The following NKX6-1 variants were observed in gnomAD, a reference collection of about 807,000 sequenced individuals.
NKX6-1 encodes homeobox protein Nkx-6.1.
A neutral mutation model predicts 24.9 loss-of-function variants in NKX6-1; 11 were observed. The ratio of observed to expected loss-of-function variants is 0.44; its 90% CI spans 0.28 to 0.73. The LOEUF (loss-of-function observed/expected upper bound fraction) is 0.73, where lower values mean the gene tolerates loss of function less well. NKX6-1 is among the 30% of genes least tolerant of loss of function. The probability of loss-of-function intolerance (pLI) is 0.15; values close to 1 mark genes in which losing one functional copy is unlikely to be tolerated. For missense variants in NKX6-1, 487 were observed against 502.9 expected (o/e 0.97, Z 0.30); for synonymous variants, 277 against 242.9 (o/e 1.14, Z -1.31).
At position 84,497,971 on chromosome 4, in the gene NKX6-1, G is replaced by T; in HGVS notation, c.258C>A (p.Pro86=). ...ATGGLSSLGS[P]PQQLSAATPH... ...GGGTGGCGGCCGAGAGCTGCTGCGG[G>T]GGGCTGCCGAGGGATGAGAGCCCCC... The change falls in exon 1 of 3, where the codon CCC becomes CCA. Residue 86 remains proline (P), a synonymous_variant. Coordinates refer to ENST00000295886, the MANE Select transcript of NKX6-1 (RefSeq NM_006168.3). The surrounding 1 kb of genome is among the most constrained non-coding windows in gnomAD (Gnocchi z 4.8). 1.5e-6 allele frequency: 2 copies of T among 1,298,158 alleles called. No individual in the cohort carries two copies. Among genetic ancestry groups the T allele is most frequent in the Non-Finnish European group, 2.0e-6 (2 of 1,019,966 alleles). 80.4% of individuals were successfully genotyped at this position (1,298,158 alleles called of 1,614,324 possible). A position where few individuals can be genotyped will look rare whatever the true frequency, so the allele number is the denominator to read the frequency against.
In NKX6-1 at chr4:84,497,282, G is replaced by T. The variant is rs750986330; in HGVS notation, c.670+277C>A. On this transcript the variant is annotated intron_variant, in intron 1 of 2. Transcript: ENST00000295886. The surrounding 1 kb of genome is among the most constrained non-coding windows in gnomAD (Gnocchi z 4.8). ...GGACGAGACACACGTCCCTCACCGC[G>T]TTGTGGTCCACACGAACACACACAC... Among the ~76,000 whole-genome samples the T allele has an allele frequency of 6.6e-6, 1 of 152,100 alleles. No homozygotes were observed. Among genetic ancestry groups the T allele is most frequent in the South Asian group, 2.1e-4 (1 of 4,830 alleles).
At position 84,493,080 on chromosome 4, in the gene NKX6-1, G is replaced by C. The variant is rs1041625743; in HGVS notation, c.*209C>G. The stretch of plus-strand genomic sequence containing the variant: ...TGGTCTTTCTTGCCTTATCAACCCC[G>C]GAGTCTCTCTCCCCTACATCCCCTC... On this transcript the variant is annotated 3_prime_UTR_variant, in exon 3 of 3. Coordinates refer to ENST00000295886, the MANE Select transcript of NKX6-1 (RefSeq NM_006168.3). The surrounding 1 kb of genome is among the most constrained non-coding windows in gnomAD (Gnocchi z 5.1). 6 of 400,848 alleles carry C rather than the reference G, an allele frequency of 1.5e-5. No homozygotes were observed. The highest frequency in any genetic ancestry group is 2.6e-5 in the Non-Finnish European group (6 of 233,026). The allele number at this position is 400,848 out of a possible 1,614,324, so 24.8% of individuals were successfully genotyped here.
In NKX6-1 at chr4:84,497,538, G is replaced by C; in HGVS notation, c.670+21C>G. 8.0e-7 allele frequency: 1 copy of C among 1,254,324 alleles called. No homozygotes were observed. The highest frequency in any genetic ancestry group is 1.0e-6 in the Non-Finnish European group (1 of 991,890). The allele number at this position is 1,254,324 out of a possible 1,614,324, so 77.7% of individuals were successfully genotyped here. ...AACAGGCACGGCAGGCAGGCATCGGGGCGCGGGTGGTAGTACTCACGAGGG... is the reference window on the plus strand; with the variant it reads ...AACAGGCACGGCAGGCAGGCATCGGCGCGCGGGTGGTAGTACTCACGAGGG... On this transcript the variant is annotated intron_variant, in intron 1 of 2. Coordinates refer to ENST00000295886, the MANE Select transcript of NKX6-1 (RefSeq NM_006168.3). The surrounding 1 kb of genome is among the most constrained non-coding windows in gnomAD (Gnocchi z 4.8).
chr4:84,494,128 A>G (rs767517657), intron 2 of NKX6-1, among the ~76,000 whole-genome samples: 2 of 151,850 alleles, frequency 1.3e-5, no homozygotes, highest in Non-Finnish European at 2.9e-5. Context: ...AACATGGTAG[A>G]TAAAAAATAT....
At chr4:84,496,310 A>G (rs1489970012) in intron 1 of NKX6-1, among the ~76,000 whole-genome samples, 1 of 151,106 alleles carries the variant, frequency 6.6e-6, no homozygotes, top group Non-Finnish European at 1.5e-5. Context: ...TTGTTTTTGC[A>G]CACAAGAGAG....
intron 2 of NKX6-1, among the ~76,000 whole-genome samples, chr4:84,494,191 AG>A (rs1187524392): frequency 9.9e-5 from 15 of 151,534 alleles, no homozygotes; most frequent in Admixed American, 3.9e-4. Flanking sequence ...AAAAAAAAAA[AG>A]ATCTGTTAAA....
In NKX6-1 at chr4:84,498,430, C is replaced by A. The variant is rs539858124; in HGVS notation, c.-202G>T. The A allele has an allele frequency of 4.8e-5, 23 of 481,618 alleles. No homozygotes were observed. Among genetic ancestry groups the A allele is most frequent in the Middle Eastern group, 5.7e-4 (1 of 1,760 alleles). 29.8% of individuals were successfully genotyped at this position (481,618 alleles called of 1,614,324 possible). On this transcript the variant is annotated 5_prime_UTR_variant, in exon 1 of 3. Transcript: ENST00000295886. ...GCAGCAGAGATGTCCAAACCCTCCA[C>A]GCGGGAGGCGGCAGCTCGCCGAGAA... is the stretch of plus-strand genomic sequence containing the variant.
At position 84,493,203 on chromosome 4, in the gene NKX6-1, C is replaced by G. The variant is rs1160718359; in HGVS notation, c.*86G>C. On this transcript the variant is annotated 3_prime_UTR_variant, in exon 3 of 3. Transcript: ENST00000295886. The surrounding 1 kb of genome is among the most constrained non-coding windows in gnomAD (Gnocchi z 5.1). ...GGTCCTCCGGGCCCCGAGGAGCGGG[C>G]AGGCGCGGCGTGCACGCGGTCCCCG... 7.9e-7 allele frequency: 1 copy of G among 1,262,126 alleles called. No individual in the cohort carries two copies. Among genetic ancestry groups the G allele is most frequent in the Non-Finnish European group, 1.0e-6 (1 of 981,076 alleles). The allele number at this position is 1,262,126 out of a possible 1,614,324, so 78.2% of individuals were successfully genotyped here.
rs760259190 is a variant in NKX6-1, at chr4:84,497,684, G to A, written c.545C>T (p.Ala182Val). 65 of 1,271,512 alleles carry A rather than the reference G, an allele frequency of 5.1e-5. No homozygotes were observed. The highest frequency in any genetic ancestry group is 6.4e-5 in the Non-Finnish European group (64 of 1,004,978). 78.8% of individuals were successfully genotyped at this position (1,271,512 alleles called of 1,614,324 possible). A position where few individuals can be genotyped will look rare whatever the true frequency, so the allele number is the denominator to read the frequency against. ...PPGLYFSPSAAAVAAVGRYPK... is the reference protein window; with the variant it reads ...PPGLYFSPSAVAVAAVGRYPK... ...GTACCGGCCCACGGCGGCCACGGCC[G>A]CGGCGCTGGGGCTGAAGTAGAGCCC... Residue 182 changes from alanine (A) to valine (V), a missense_variant, in exon 1 of 3, where the codon GCG becomes GTG. Ala to Val is a moderately conservative substitution (Grantham distance 64). Transcript: ENST00000295886. This position sits in a 1 kb window ranked among gnomAD's most constrained non-coding sequence, Gnocchi z 4.8.
In NKX6-1 at chr4:84,493,396, T is replaced by A; in HGVS notation, c.997A>T (p.Asn333Tyr). The A allele has an allele frequency of 6.2e-7, 1 of 1,614,178 alleles. No individual in the cohort carries two copies. The part of the protein sequence containing the change: ...DDDYNKPLDP[N>Y]SDDEKITQLL... Reference sequence around the variant, plus strand: ...TGCGTGATTTTCTCGTCGTCCGAGTTGGGATCCAGAGGCTTATTGTAGTCG... The same window carrying A: ...TGCGTGATTTTCTCGTCGTCCGAGTAGGGATCCAGAGGCTTATTGTAGTCG... Residue 333 changes from asparagine (N) to tyrosine (Y), a missense_variant, in exon 3 of 3, where the codon AAC becomes TAC. Asn to Tyr is a moderately radical substitution (Grantham distance 143). Coordinates refer to ENST00000295886, the MANE Select transcript of NKX6-1 (RefSeq NM_006168.3). The surrounding 1 kb of genome is among the most constrained non-coding windows in gnomAD (Gnocchi z 5.1).
In NKX6-1 at chr4:84,498,875, T is replaced by C. The variant is rs1363691475; in HGVS notation, c.-647A>G. 6.6e-6 allele frequency among the ~76,000 whole-genome samples: 1 copy of C among 152,208 alleles called. No individual in the cohort carries two copies. The highest frequency in any genetic ancestry group is 1.5e-5 in the Non-Finnish European group (1 of 68,034). ...CTCCGCCCACGCTGCCCCGGGCTGC[T>C]GCGCCAGAAAGGGCAGTGCCACGGA... On this transcript the variant is annotated 5_prime_UTR_variant, in exon 1 of 3. Coordinates refer to ENST00000295886, the MANE Select transcript of NKX6-1 (RefSeq NM_006168.3).
rs189725801 is a variant in NKX6-1, at chr4:84,495,615, G to A, written c.843+57C>T. 906 of 1,462,734 alleles carry A rather than the reference G, an allele frequency of 6.2e-4. 3 individuals carry two copies. The African/African-American group carries it at 0.011, about 18-fold the overall frequency. 90.6% of individuals were successfully genotyped at this position (1,462,734 alleles called of 1,614,324 possible). A position where few individuals can be genotyped will look rare whatever the true frequency, so the allele number is the denominator to read the frequency against. Reference sequence around the variant, plus strand: ...TGTGTGTGTGTGTGTGCCCATGTGTGCACGCGCGCGCGACAGGGGCGGTAC... The same window carrying A: ...TGTGTGTGTGTGTGTGCCCATGTGTACACGCGCGCGCGACAGGGGCGGTAC... On this transcript the variant is annotated intron_variant, in intron 2 of 2. Transcript: ENST00000295886.
rs1480358369 is a variant in NKX6-1 at position 84,497,190 on chromosome 4, C to T, written c.670+369G>A. ...CAGTGGCCTCTCCTCCCCTCTCCTCCCCATCTTTCTAATCCAGGCCAGGCC... is the reference window on the plus strand; with the variant it reads ...CAGTGGCCTCTCCTCCCCTCTCCTCTCCATCTTTCTAATCCAGGCCAGGCC... On this transcript the variant is annotated intron_variant, in intron 1 of 2. Transcript: ENST00000295886. This position sits in a 1 kb window ranked among gnomAD's most constrained non-coding sequence, Gnocchi z 4.8. 2.0e-5 allele frequency among the ~76,000 whole-genome samples: 3 copies of T among 152,138 alleles called. No individual in the cohort carries two copies. The highest frequency in any genetic ancestry group is 6.5e-5 in the Admixed American group (1 of 15,278).
rs1392484540 is a variant in NKX6-1 at position 84,495,648 on chromosome 4, T to C, written c.843+24A>G. The C allele has an allele frequency of 1.9e-6, 3 of 1,604,966 alleles. No homozygotes were observed. In the African/African-American group the frequency reaches 4.0e-5, roughly 21 times the overall value. On this transcript the variant is annotated intron_variant, in intron 2 of 2. Transcript: ENST00000295886. The stretch of plus-strand genomic sequence containing the variant: ...GCGCGACAGGGGCGGTACCTATCCC[T>C]CCAGGTATGCAAGGTCCACTCACCT...
intron 2 of NKX6-1, among the ~76,000 whole-genome samples, chr4:84,494,378 T>C (rs1268631840): frequency 6.6e-6 from 1 of 152,218 alleles, no homozygotes; most frequent in Non-Finnish European, 1.5e-5. Context: ...AGACATTTAA[T>C]ACAAATATTT....
chr4:84,495,891 A>G, intron 1 of NKX6-1, 47 bp from the exon 2 acceptor site: 1 of 1,596,448 alleles, frequency 6.3e-7, no homozygotes, highest in Non-Finnish European at 8.6e-7. Context: ...ACAATCGGTT[A>G]CAAGCGGCTG....
In NKX6-1 at chr4:84,499,036, G is replaced by C. The variant is rs530384979; in HGVS notation, c.-808C>G. Among the ~76,000 whole-genome samples, 40 of 152,350 alleles carry C rather than the reference G, an allele frequency of 2.6e-4. No individual in the cohort carries two copies. The highest frequency in any genetic ancestry group is 4.6e-4 in the Non-Finnish European group (31 of 68,046). On this transcript the variant is annotated 5_prime_UTR_variant, in exon 1 of 3. Coordinates refer to ENST00000295886, the MANE Select transcript of NKX6-1 (RefSeq NM_006168.3). ...AAGACTAAGTGTGAAAAGTCTGACG[G>C]CTGGGTTTCGGCGCCGCTCGTCAGT...
rs1177200854 is a variant in NKX6-1 at position 84,493,194 on chromosome 4, A to G, written c.*95T>C. ...GCAGGGCCGGGTCCTCCGGGCCCCGAGGAGCGGGCAGGCGCGGCGTGCACG... is the reference window on the plus strand; with the variant it reads ...GCAGGGCCGGGTCCTCCGGGCCCCGGGGAGCGGGCAGGCGCGGCGTGCACG... On this transcript the variant is annotated 3_prime_UTR_variant, in exon 3 of 3. Coordinates refer to ENST00000295886, the MANE Select transcript of NKX6-1 (RefSeq NM_006168.3). This position sits in a 1 kb window ranked among gnomAD's most constrained non-coding sequence, Gnocchi z 5.1. 3 of 1,206,744 alleles carry G rather than the reference A, an allele frequency of 2.5e-6. No individual in the cohort carries two copies. The highest frequency in any genetic ancestry group is 3.1e-5 in the East Asian group (1 of 32,084). The allele number at this position is 1,206,744 out of a possible 1,614,324, so 74.8% of individuals were successfully genotyped here. A position where few individuals can be genotyped will look rare whatever the true frequency, so the allele number is the denominator to read the frequency against.
Position 84,493,173 on chromosome 4 carries a change from G to T in NKX6-1, c.*116C>A. On this transcript the variant is annotated 3_prime_UTR_variant, in exon 3 of 3. Coordinates refer to ENST00000295886, the MANE Select transcript of NKX6-1 (RefSeq NM_006168.3). The surrounding 1 kb of genome is among the most constrained non-coding windows in gnomAD (Gnocchi z 5.1). Reference sequence around the variant, plus strand: ...AATAGCAAAGGGTCCCCGCAGGCAGGGCCGGGTCCTCCGGGCCCCGAGGAG... The same window carrying T: ...AATAGCAAAGGGTCCCCGCAGGCAGTGCCGGGTCCTCCGGGCCCCGAGGAG... 1.0e-6 allele frequency: 1 copy of T among 960,290 alleles called. No individual in the cohort carries two copies. Among genetic ancestry groups the T allele is most frequent in the East Asian group, 3.3e-5 (1 of 30,674 alleles). 59.5% of individuals were successfully genotyped at this position (960,290 alleles called of 1,614,324 possible). A position where few individuals can be genotyped will look rare whatever the true frequency, so the allele number is the denominator to read the frequency against.
Sources: allele counts gnomAD v4.1 joint callset (sites outside exome capture counted in the v4.1 genomes callset), GRCh38; gene constraint gnomAD v4.1.1; non-coding constraint Gnocchi (gnomAD v3.1); transcripts MANE v1.5; gene names NCBI Gene and HGNC (gene_info 2026-07-23, HGNC 2026-07-21).